Variants in HYCC1 observed in about 807,000 individuals in gnomAD.
HYCC1 encodes the protein hyccin.
the HYCC1 span, among the ~76,000 whole-genome samples, chr7:22,901,008 C>T: frequency 1.3e-5 from 2 of 151,644 alleles, no homozygotes; most frequent in South Asian, 4.2e-4. Context: ...TTCCTTGAGC[C>T]CAGGAGTTTG....
the HYCC1 span, among the ~76,000 whole-genome samples, chr7:22,946,555 G>A: frequency 6.6e-6 from 1 of 151,644 alleles, no homozygotes; most frequent in Non-Finnish European, 1.5e-5. Flanking sequence ...TTAAAAAATT[G>A]GTATTAGAAT....
At chr7:22,898,691 C>G in the HYCC1 span, among the ~76,000 whole-genome samples, 1 of 151,260 alleles carries the variant, frequency 6.6e-6, no homozygotes, top group Admixed American at 6.6e-5. Flanking sequence ...CAACCTCCAC[C>G]TCCCGGGTTC....
chr7:23,009,450 G>C, the HYCC1 span, among the ~76,000 whole-genome samples: 1 of 152,062 alleles, frequency 6.6e-6, no homozygotes, highest in Non-Finnish European at 1.5e-5. Context: ...GAAATTTTCA[G>C]AACTCTAGAA....
the HYCC1 span, chr7:22,945,705 A>G: frequency 1.2e-6 from 2 of 1,613,850 alleles, no homozygotes; most frequent in Non-Finnish European, 1.7e-6. Context: ...TGGAGACTAC[A>G]AGCGGAAAAC....
chr7:22,931,243 G>C, the HYCC1 span, among the ~76,000 whole-genome samples: 1 of 114,470 alleles, frequency 8.7e-6, no homozygotes, highest in Non-Finnish European at 1.7e-5. Context: ...GACAAGGAAT[G>C]CCAAAAAAAA....
the HYCC1 span, among the ~76,000 whole-genome samples, chr7:22,930,197 T>C: frequency 4.3e-5 from 1 of 23,120 alleles, no homozygotes; most frequent in South Asian, 1.5e-3. Flanking sequence ...TGTTGTGGGG[T>C]GGGGGGAGGG....
chr7:22,965,096 TG>T, the HYCC1 span, among the ~76,000 whole-genome samples: 1 of 147,886 alleles, frequency 6.8e-6, no homozygotes, highest in Non-Finnish European at 1.5e-5. Context: ...ATCGAGCCAC[TG>T]CACTCCAGCC....
the HYCC1 span, chr7:22,964,353 T>C: frequency 2.2e-4 from 204 of 938,904 alleles, 2 homozygotes; most frequent in South Asian, 1.8e-3. Flanking sequence ...TGACAATAGA[T>C]GAACAGACTA....
chr7:23,014,001 C>T, the HYCC1 span: 1 of 471,164 alleles, frequency 2.1e-6, no homozygotes, highest in Non-Finnish European at 4.4e-6. Flanking sequence ...GGCTGCTCTG[C>T]TTCCTCCCGA....
At chr7:22,965,381 A>C in the HYCC1 span, among the ~76,000 whole-genome samples, 1 of 151,652 alleles carries the variant, frequency 6.6e-6, no homozygotes. Flanking sequence ...TACTCTTTGC[A>C]TGCTACCTAA....
chr7:22,947,166 T>C, the HYCC1 span: 2 of 1,550,308 alleles, frequency 1.3e-6, no homozygotes, highest in South Asian at 2.4e-5. Context: ...CCCGGTTCTC[T>C]CTCCGGCCAC....
the HYCC1 span, chr7:23,014,099 C>T: frequency 2.1e-6 from 1 of 470,136 alleles, no homozygotes. Context: ...GACAACCCAG[C>T]CGGGAGAGCC....
chr7:22,961,914 C>T, the HYCC1 span, among the ~76,000 whole-genome samples: 1 of 151,632 alleles, frequency 6.6e-6, no homozygotes, highest in Non-Finnish European at 1.5e-5. Context: ...AAAGATATGC[C>T]AAACCCTTCC....
At chr7:23,007,982 G>C in the HYCC1 span, among the ~76,000 whole-genome samples, 1 of 151,900 alleles carries the variant, frequency 6.6e-6, no homozygotes, top group Admixed American at 6.6e-5. Context: ...AACCCTAAAG[G>C]CATTTCCATT....
At chr7:22,929,383 C>T in the HYCC1 span, among the ~76,000 whole-genome samples, 1 of 152,130 alleles carries the variant, frequency 6.6e-6, no homozygotes, top group African/African-American at 2.4e-5. Context: ...GCAAAAGAAA[C>T]CACCATCAGA....
chr7:22,994,447 T>C, the HYCC1 span, among the ~76,000 whole-genome samples: 1 of 152,152 alleles, frequency 6.6e-6, no homozygotes, highest in Non-Finnish European at 1.5e-5. Flanking sequence ...TAACAGTCTG[T>C]TTCTTGATCT....
chr7:23,003,989 A>G, the HYCC1 span, among the ~76,000 whole-genome samples: 1 of 152,376 alleles, frequency 6.6e-6, no homozygotes, highest in South Asian at 2.1e-4. Context: ...ACATTATAGT[A>G]ACCAAAGCAG....
chr7:22,981,805 C>A, the HYCC1 span, among the ~76,000 whole-genome samples: 1 of 152,108 alleles, frequency 6.6e-6, no homozygotes, highest in African/African-American at 2.4e-5. Flanking sequence ...TTGTGTGGTG[C>A]CTCACACATG....
the HYCC1 span, among the ~76,000 whole-genome samples, chr7:23,004,861 A>G: frequency 1.3e-5 from 2 of 152,196 alleles, no homozygotes; most frequent in East Asian, 1.9e-4. Flanking sequence ...GCTGGAGTGC[A>G]ATGGTGCAAT....
Sources: allele counts gnomAD v4.1 joint callset (sites outside exome capture counted in the v4.1 genomes callset), GRCh38; gene constraint gnomAD v4.1.1; transcripts MANE v1.5; gene names NCBI Gene and HGNC (gene_info 2026-07-23, HGNC 2026-07-21).